Variants in KPNB1 observed in about 807,000 individuals in gnomAD.
KPNB1 encodes importin subunit beta-1.
A neutral mutation model predicts 113.0 loss-of-function variants in KPNB1; 7 were observed. That is an observed-to-expected ratio of 0.06 (90% CI 0.04 to 0.12). The LOEUF (loss-of-function observed/expected upper bound fraction) is 0.12, where lower values mean the gene tolerates loss of function less well. Ranked by LOEUF, KPNB1 falls within the 10% of genes least tolerant of loss-of-function variation. The pLI, the probability that KPNB1 is intolerant of heterozygous loss-of-function variation, is 1.00. For synonymous variants in KPNB1, 363 were observed against 378.6 expected, an observed-to-expected ratio of 0.96 and a Z score of 0.48; for missense variants, 400 against 1,054.8, an observed-to-expected ratio of 0.38 and a Z score of 8.60.
In KPNB1 at chr17:47,651,328, G is replaced by T. The variant is rs1452107903; in HGVS notation, c.99+884G>T. 27 of 985,290 alleles carry T rather than the reference G, an allele frequency of 2.7e-5. No homozygotes were observed. The Admixed American group carries it at 1.7e-3, about 61-fold the overall frequency. 61.0% of individuals were successfully genotyped at this position (985,290 alleles called of 1,614,324 possible). A position where few individuals can be genotyped will look rare whatever the true frequency, so the allele number is the denominator to read the frequency against. Reference sequence around the variant, plus strand: ...CTTTGGTGTCCATCTCCTGTTGGGGGATGGGGTCAGAGGGAAGGATTGGAT... The same window carrying T: ...CTTTGGTGTCCATCTCCTGTTGGGGTATGGGGTCAGAGGGAAGGATTGGAT... On this transcript the variant is annotated intron_variant, in intron 2 of 21. Transcript: ENST00000290158.
chr17:47,677,175 C>T, intron 17 of KPNB1, 48 bp downstream of exon 17: 1 of 1,371,806 alleles, frequency 7.3e-7, no homozygotes, highest in Non-Finnish European at 1.0e-6. Context: ...TTGAAGAAAA[C>T]AACAGTTGGA....
At position 47,670,714 on chromosome 17, in the gene KPNB1, C is replaced by A; in HGVS notation, c.1429C>A (p.Leu477Met). Reference protein sequence around the residue: ...ASNVCWAFSSLAEAAYEAADV... With the variant: ...ASNVCWAFSSMAEAAYEAADV... Reference sequence around the variant, plus strand: ...ATGTGCATTTCAGGCTTTCTCCAGTCTGGCTGAAGCTGCTTATGAAGCTGC... The same window carrying A: ...ATGTGCATTTCAGGCTTTCTCCAGTATGGCTGAAGCTGCTTATGAAGCTGC... Residue 477 changes from leucine to methionine, a missense_variant, in exon 12 of 22, where the codon CTG becomes ATG. This residue lies in a region of KPNB1 where 285 missense variants were observed against 627.0 expected (regional missense o/e 0.45). Transcript: ENST00000290158. The A allele has an allele frequency of 6.2e-7, 1 of 1,610,208 alleles. No individual in the cohort carries two copies. The highest frequency in any genetic ancestry group is 1.1e-5 in the South Asian group (1 of 90,918).
chr17:47,653,902 T>C (rs1915648696), intron 3 of KPNB1, among the ~76,000 whole-genome samples: 1 of 152,200 alleles, frequency 6.6e-6, no homozygotes, highest in South Asian at 2.1e-4. Flanking sequence ...TTCATGTTGG[T>C]TCTGCTTGTG....
rs1053748085 is a variant in KPNB1, at chr17:47,685,498, A to G, written c.*3094A>G. 1 of 141,864 alleles carries G rather than the reference A, an allele frequency of 7.0e-6. No homozygotes were observed. Among genetic ancestry groups the G allele is most frequent in the African/African-American group, 2.6e-5 (1 of 38,264 alleles). The allele number at this position is 141,864 out of a possible 1,614,324, so 8.8% of individuals were successfully genotyped here. ...TCTAAATAAAGTCCGCTTTATTTTT[A>G]TTTTCAACATCTTGCTGCTTTTTTT... On this transcript the variant is annotated 3_prime_UTR_variant, in exon 22 of 22. Transcript: ENST00000290158.
intron 21 of KPNB1, among the ~76,000 whole-genome samples, chr17:47,681,349 A>AC (rs1242314068): frequency 1.4e-5 from 2 of 146,666 alleles, no homozygotes; most frequent in East Asian, 2.0e-4. Context: ...GCTTATTGCA[A>AC]CCTCTGCCTC....
At chr17:47,673,357 T>A (rs2030505536) in intron 13 of KPNB1, 133 bp from the exon 14 acceptor site, 4 of 881,158 alleles carry the variant, frequency 4.5e-6, no homozygotes, top group Non-Finnish European at 7.2e-6. Context: ...ATATATGTGT[T>A]ACACTATATG....
intron 3 of KPNB1, among the ~76,000 whole-genome samples, chr17:47,655,223 A>C (rs1915685126): frequency 6.6e-6 from 1 of 152,230 alleles, no homozygotes; most frequent in Admixed American, 6.5e-5. Context: ...GAATTAGCTG[A>C]TCACGGTAAT....
intron 3 of KPNB1, 24 bp from the exon 4 acceptor site, chr17:47,656,836 C>CT (rs767205416): frequency 1.3e-6 from 2 of 1,569,498 alleles, no homozygotes; most frequent in Non-Finnish European, 1.7e-6. Context: ...AAATTTGTAT[C>CT]TTTTGTCTTT....
In KPNB1 at chr17:47,683,112, A is replaced by AC. The variant is rs2030838771; in HGVS notation, c.*708_*709insC. The AC allele has an allele frequency of 2.7e-5, 4 of 147,670 alleles. No homozygotes were observed. Among genetic ancestry groups the AC allele is most frequent in the South Asian group, 2.1e-4 (1 of 4,750 alleles). The allele number at this position is 147,670 out of a possible 1,614,324, so 9.1% of individuals were successfully genotyped here. ...ATGTAAAAAAAAAAAAAAAAAAAAA[A>AC]AAAAAAACACACACACAGAGGAAAG... On this transcript the variant is annotated 3_prime_UTR_variant, in exon 22 of 22. Transcript: ENST00000290158.
chr17:47,678,584 A>G, intron 19 of KPNB1, 171 bp downstream of exon 19: 2 of 597,322 alleles, frequency 3.3e-6, no homozygotes, highest in Admixed American at 3.0e-5. Context: ...AAAACTGTAG[A>G]CTACTGTTTT....
At chr17:47,658,429 T>C in intron 4 of KPNB1, 79 bp from the exon 5 acceptor site, 2 of 1,450,100 alleles carry the variant, frequency 1.4e-6, no homozygotes, top group Middle Eastern at 1.8e-4. Flanking sequence ...CAATCCATAG[T>C]TGTTTGAATC....
chr17:47,669,893 G>A, intron 11 of KPNB1, 24 bp downstream of exon 11: 1 of 1,535,798 alleles, frequency 6.5e-7, no homozygotes, highest in Non-Finnish European at 8.9e-7. Flanking sequence ...TTGCTGGTGA[G>A]AAAAGGAGCT....
intron 2 of KPNB1, chr17:47,651,348 T>C: frequency 2.0e-6 from 2 of 985,366 alleles, no homozygotes; most frequent in Non-Finnish European, 2.4e-6. Flanking sequence ...GAGGGAAGGA[T>C]TGGATGATGC....
chr17:47,657,343 C>G (rs1169391982), intron 4 of KPNB1, among the ~76,000 whole-genome samples: 1 of 152,110 alleles, frequency 6.6e-6, no homozygotes, highest in African/African-American at 2.4e-5. Context: ...TTGGATTATC[C>G]CTGACCCAGT....
chr17:47,650,186 G>T lies in KPNB1; in HGVS notation c.-59G>T. 1 of 1,359,836 alleles carries T rather than the reference G, an allele frequency of 7.4e-7. No homozygotes were observed. 84.2% of individuals were successfully genotyped at this position (1,359,836 alleles called of 1,614,324 possible). On this transcript the variant is annotated 5_prime_UTR_variant, in exon 1 of 22. Transcript: ENST00000290158. ...CCAACCCCCATCCCCAGTTCGAGCCGCCGCCCGAAAGGCCGGGCCGTCGTC... is the reference window on the plus strand; with the variant it reads ...CCAACCCCCATCCCCAGTTCGAGCCTCCGCCCGAAAGGCCGGGCCGTCGTC...
At chr17:47,677,179 AG>A in intron 17 of KPNB1, 52 bp downstream of exon 17, 1 of 1,331,760 alleles carries the variant, frequency 7.5e-7, no homozygotes, top group Non-Finnish European at 1.1e-6. Context: ...AGAAAACAAC[AG>A]TTGGAAAGAT....
At position 47,676,411 on chromosome 17, in the gene KPNB1, T is replaced by C; in HGVS notation, c.1915T>C (p.Leu639=). The change falls in exon 16 of 22, where the codon TTG becomes CTG. Residue 639 remains leucine (L), a splice_region_variant and synonymous_variant. Transcript: ENST00000290158. The part of the protein sequence containing the change: ...LMAVSTLVEV[L]GGEFLKYMEA... ...GCTAATAGCTTATTTCATTACAGTG[T>C]TGGGTGGTGAATTCCTCAAGTACAT... is the stretch of plus-strand genomic sequence containing the variant. The C allele has an allele frequency of 6.2e-7, 1 of 1,611,186 alleles. No individual in the cohort carries two copies.
At chr17:47,651,166 G>A in intron 2 of KPNB1, 5 of 977,564 alleles carry the variant, frequency 5.1e-6, no homozygotes, top group Non-Finnish European at 6.1e-6. Context: ...GAAATCACAG[G>A]GGAAAGTTCC....
intron 9 of KPNB1, among the ~76,000 whole-genome samples, chr17:47,667,463 T>C (rs1236551894): frequency 1.3e-5 from 2 of 151,888 alleles, no homozygotes; most frequent in African/African-American, 4.8e-5. Flanking sequence ...AATCATGTCT[T>C]CTTCCCAGTC....
Sources: gnomAD v4.1 joint callset for allele counts (sites outside exome capture counted in the v4.1 genomes callset) on GRCh38, gnomAD v4.1.1 for gene constraint, gnomAD v4.1.1 regional missense constraint, MANE v1.5 for transcripts, NCBI Gene and HGNC (gene_info 2026-07-23, HGNC 2026-07-21) for gene names.